Variants in FZD1 observed in about 807,000 individuals in gnomAD.
FZD1 encodes the protein frizzled class receptor 1, also known as frizzled-1.
FZD1 carries 22 observed loss-of-function variants against 48.0 expected under a neutral mutation model. The ratio of observed to expected loss-of-function variants is 0.46; its 90% CI spans 0.33 to 0.65. The LOEUF is 0.65. FZD1 is among the 30% of genes least tolerant of loss of function. FZD1 has a pLI of 0.02. For missense variants in FZD1, 843 were observed against 898.1 expected, an observed-to-expected ratio of 0.94 and a Z score of 0.78; for synonymous variants, 486 against 409.6, an observed-to-expected ratio of 1.19 and a Z score of -2.25.
chr7:91,265,459 C>A lies in FZD1; in HGVS notation c.579C>A (p.Arg193=). The change falls in exon 1 of 1, where the codon CGC becomes CGA. Residue 193 remains arginine, a synonymous_variant. Coordinates refer to ENST00000287934, the MANE Select transcript of FZD1 (RefSeq NM_003505.2). This position sits in a 1 kb window ranked among gnomAD's most constrained non-coding sequence, Gnocchi z 6.9. The stretch of plus-strand genomic sequence containing the variant: ...CGCCCTGCCGCTCCCTGTGCGAGCG[C>A]GCGCGCCAGGGCTGCGAGGCGCTCA... ...ALPPCRSLCE[R]ARQGCEALMN... 1 of 1,613,168 alleles carries A rather than the reference C, an allele frequency of 6.2e-7. No individual in the cohort carries two copies. The highest frequency in any genetic ancestry group is 8.5e-7 in the Non-Finnish European group (1 of 1,179,688).
chr7:91,268,747 A>G lies in FZD1; in HGVS notation c.*1923A>G, dbSNP rs2090542515. The G allele has an allele frequency of 6.0e-6, 1 of 166,680 alleles. No homozygotes were observed. The highest frequency in any genetic ancestry group is 2.4e-5 in the African/African-American group (1 of 41,466). The allele number at this position is 166,680 out of a possible 1,614,324, so 10.3% of individuals were successfully genotyped here. ...TATGGATTTTGTGCCTGAAAATAATAGAGCTTGAGCTGTCTGAACTATTTT... is the reference window on the plus strand; with the variant it reads ...TATGGATTTTGTGCCTGAAAATAATGGAGCTTGAGCTGTCTGAACTATTTT... On this transcript the variant is annotated 3_prime_UTR_variant, in exon 1 of 1. Coordinates refer to ENST00000287934, the MANE Select transcript of FZD1 (RefSeq NM_003505.2).
chr7:91,264,892 G>T lies in FZD1; in HGVS notation c.12G>T (p.Glu4Asp). 1 of 1,312,980 alleles carries T rather than the reference G, an allele frequency of 7.6e-7. No individual in the cohort carries two copies. Among genetic ancestry groups the T allele is most frequent in the Non-Finnish European group, 9.6e-7 (1 of 1,036,354 alleles). 81.3% of individuals were successfully genotyped at this position (1,312,980 alleles called of 1,614,324 possible). Residue 4 changes from glutamate (E) to aspartate (D), a missense_variant, in exon 1 of 1, where the codon GAG becomes GAT. Physicochemically the swap from Glu to Asp is conservative, Grantham distance 45. Transcript: ENST00000287934. Reference protein sequence around the residue: MAEEEAPKKSRAAG... With the variant: MAEDEAPKKSRAAG... ...GGAGCCGAGAAAGTATGGCTGAGGA[G>T]GAGGCGCCTAAGAAGTCCCGGGCCG...
chr7:91,265,839 G>A lies in FZD1; in HGVS notation c.959G>A (p.Arg320His), dbSNP rs1803870051. 6 of 1,613,946 alleles carry A rather than the reference G, an allele frequency of 3.7e-6. No individual in the cohort carries two copies. Among genetic ancestry groups the A allele is most frequent in the African/African-American group, 1.3e-5 (1 of 75,056 alleles). The change falls in exon 1 of 1, where the codon CGC (arginine) becomes CAC (histidine). Residue 320 changes from arginine (R) to histidine (H), a missense_variant. Coordinates refer to ENST00000287934, the MANE Select transcript of FZD1 (RefSeq NM_003505.2). The surrounding 1 kb of genome is among the most constrained non-coding windows in gnomAD (Gnocchi z 6.9). ...GGGCCCGAGGAGCTGCGCTTCTCGCGCACCTGGATTGGCATTTGGTCAGTG... is the reference window on the plus strand; with the variant it reads ...GGGCCCGAGGAGCTGCGCTTCTCGCACACCTGGATTGGCATTTGGTCAGTG... Reference protein sequence around the residue: ...YFGPEELRFSRTWIGIWSVLC... With the variant: ...YFGPEELRFSHTWIGIWSVLC...
chr7:91,265,819 C>A lies in FZD1; in HGVS notation c.939C>A (p.Pro313=). The A allele has an allele frequency of 5.0e-6, 8 of 1,613,792 alleles. No individual in the cohort carries two copies. The highest frequency in any genetic ancestry group is 6.8e-6 in the Non-Finnish European group (8 of 1,179,778). ...TGTATGGGCTCATGTACTTCGGGCC[C>A]GAGGAGCTGCGCTTCTCGCGCACCT... The part of the protein sequence containing the change: ...TKVYGLMYFG[P]EELRFSRTWI... Residue 313 remains proline (P), a synonymous_variant, in exon 1 of 1, where the codon CCC becomes CCA. Coordinates refer to ENST00000287934, the MANE Select transcript of FZD1 (RefSeq NM_003505.2). This position sits in a 1 kb window ranked among gnomAD's most constrained non-coding sequence, Gnocchi z 6.9.
chr7:91,266,189 C>T lies in FZD1; in HGVS notation c.1309C>T (p.His437Tyr). 2 of 1,614,146 alleles carry T rather than the reference C, an allele frequency of 1.2e-6. No individual in the cohort carries two copies. Among genetic ancestry groups the T allele is most frequent in the African/African-American group, 2.7e-5 (2 of 75,072 alleles). The stretch of plus-strand genomic sequence containing the variant: ...CCTGGCGGCTGGCATGAAGTGGGGC[C>T]ACGAGGCCATCGAAGCCAACTCACA... ...WFLAAGMKWG[H>Y]EAIEANSQYF... is the part of the protein sequence containing the mutation. Residue 437 changes from histidine to tyrosine, a missense_variant, in exon 1 of 1, where the codon CAC (histidine) becomes TAC (tyrosine). By Grantham distance (83) the His-to-Tyr change is moderately conservative. Coordinates refer to ENST00000287934, the MANE Select transcript of FZD1 (RefSeq NM_003505.2). This position sits in a 1 kb window ranked among gnomAD's most constrained non-coding sequence, Gnocchi z 6.8.
chr7:91,265,864 G>C lies in FZD1; in HGVS notation c.984G>C (p.Val328=). The C allele has an allele frequency of 6.2e-7, 1 of 1,613,986 alleles. No individual in the cohort carries two copies. The change falls in exon 1 of 1, where the codon GTG becomes GTC. Residue 328 remains valine (V), a synonymous_variant. Transcript: ENST00000287934. The surrounding 1 kb of genome is among the most constrained non-coding windows in gnomAD (Gnocchi z 6.9). ...FSRTWIGIWS[V]LCCASTLFTV... ...GCACCTGGATTGGCATTTGGTCAGT[G>C]CTGTGCTGCGCCTCCACGCTCTTCA...
Position 91,266,932 on chromosome 7 carries a change from G to A in FZD1, c.*108G>A. Reference sequence around the variant, plus strand: ...CTGACATCTCGAGGTTTCCTCACTAGACAACTCTCTTTCGCAGGCTCCTTT... The same window carrying A: ...CTGACATCTCGAGGTTTCCTCACTAAACAACTCTCTTTCGCAGGCTCCTTT... On this transcript the variant is annotated 3_prime_UTR_variant, in exon 1 of 1. Transcript: ENST00000287934. This position sits in a 1 kb window ranked among gnomAD's most constrained non-coding sequence, Gnocchi z 6.8. 2 of 736,986 alleles carry A rather than the reference G, an allele frequency of 2.7e-6. No individual in the cohort carries two copies. Among genetic ancestry groups the A allele is most frequent in the Admixed American group, 4.9e-5 (2 of 40,774 alleles). 45.7% of individuals were successfully genotyped at this position (736,986 alleles called of 1,614,324 possible). A position where few individuals can be genotyped will look rare whatever the true frequency, so the allele number is the denominator to read the frequency against.
At position 91,265,146 on chromosome 7, in the gene FZD1, C is replaced by T. The variant is rs754232711; in HGVS notation, c.266C>T (p.Pro89Leu). 6.3e-7 allele frequency: 1 copy of T among 1,580,876 alleles called. No individual in the cohort carries two copies. The highest frequency in any genetic ancestry group is 1.1e-5 in the South Asian group (1 of 89,032). ...PGQGPGPGQQPPPPPQQQQSG... is the reference protein window; with the variant it reads ...PGQGPGPGQQLPPPPQQQQSG... Reference sequence around the variant, plus strand: ...CAGGGGCCCGGGCCGGGGCAGCAACCGCCGCCGCCGCCTCAGCAGCAACAG... The same window carrying T: ...CAGGGGCCCGGGCCGGGGCAGCAACTGCCGCCGCCGCCTCAGCAGCAACAG... Residue 89 changes from proline (P) to leucine (L), a missense_variant, in exon 1 of 1, where the codon CCG (proline) becomes CTG (leucine). This residue lies in a region of FZD1 where 490 missense variants were observed against 466.5 expected (regional missense o/e 1.05). Transcript: ENST00000287934. The surrounding 1 kb of genome is among the most constrained non-coding windows in gnomAD (Gnocchi z 6.9).
rs998933986 is a variant in FZD1 at position 91,265,805 on chromosome 7, A to G, written c.925A>G (p.Met309Val). 4 of 1,613,596 alleles carry G rather than the reference A, an allele frequency of 2.5e-6. No individual in the cohort carries two copies. The highest frequency in any genetic ancestry group is 4.5e-5 in the East Asian group (2 of 44,848). The change falls in exon 1 of 1, where the codon ATG becomes GTG. Residue 309 changes from methionine to valine, a missense_variant. Transcript: ENST00000287934. This position sits in a 1 kb window ranked among gnomAD's most constrained non-coding sequence, Gnocchi z 6.9. The stretch of plus-strand genomic sequence containing the variant: ...TGAGCCGACCAAGGTGTATGGGCTC[A>G]TGTACTTCGGGCCCGAGGAGCTGCG... ...PCEPTKVYGL[M>V]YFGPEELRFS...
Position 91,265,114 on chromosome 7 carries a change from G to A in FZD1, c.234G>A (p.Gly78=). The A allele has an allele frequency of 6.7e-7, 1 of 1,495,120 alleles. No individual in the cohort carries two copies. Among genetic ancestry groups the A allele is most frequent in the Non-Finnish European group, 9.0e-7 (1 of 1,115,996 alleles). The allele number at this position is 1,495,120 out of a possible 1,614,324, so 92.6% of individuals were successfully genotyped here. ...LGVRAQAAGQ[G]PGQGPGPGQQ... ...TCCGGGCCCAGGCGGCGGGCCAGGG[G>A]CCAGGCCAGGGGCCCGGGCCGGGGC... is the stretch of plus-strand genomic sequence containing the variant. The change falls in exon 1 of 1, where the codon GGG becomes GGA. Residue 78 remains glycine, a synonymous_variant. Transcript: ENST00000287934. This position sits in a 1 kb window ranked among gnomAD's most constrained non-coding sequence, Gnocchi z 6.9.
rs1803910391 is a variant in FZD1, at chr7:91,267,775, T to C, written c.*951T>C. 1 of 167,140 alleles carries C rather than the reference T, an allele frequency of 6.0e-6. No homozygotes were observed. The highest frequency in any genetic ancestry group is 1.5e-5 in the Non-Finnish European group (1 of 68,146). The allele number at this position is 167,140 out of a possible 1,614,324, so 10.4% of individuals were successfully genotyped here. ...TGAGGGGTGAGCTCATTTCATTCTCTAGTGTCTAAAACCTGGTATGGGTTT... is the reference window on the plus strand; with the variant it reads ...TGAGGGGTGAGCTCATTTCATTCTCCAGTGTCTAAAACCTGGTATGGGTTT... On this transcript the variant is annotated 3_prime_UTR_variant, in exon 1 of 1. Coordinates refer to ENST00000287934, the MANE Select transcript of FZD1 (RefSeq NM_003505.2).
chr7:91,266,675 G>C lies in FZD1; in HGVS notation c.1795G>C (p.Asp599His), dbSNP rs1209255115. ...GAPPHPPMSP[D>H]FTVFMIKYLM... Reference sequence around the variant, plus strand: ...CCCGCCGCACCCGCCCATGAGCCCGGACTTCACGGTCTTCATGATTAAGTA... The same window carrying C: ...CCCGCCGCACCCGCCCATGAGCCCGCACTTCACGGTCTTCATGATTAAGTA... Residue 599 changes from aspartate (D) to histidine (H), a missense_variant, in exon 1 of 1, where the codon GAC becomes CAC. Physicochemically the swap from Asp to His is moderately conservative, Grantham distance 81 (BLOSUM62 -1). Transcript: ENST00000287934. This position sits in a 1 kb window ranked among gnomAD's most constrained non-coding sequence, Gnocchi z 6.8. 6.2e-7 allele frequency: 1 copy of C among 1,613,354 alleles called. No individual in the cohort carries two copies. The highest frequency in any genetic ancestry group is 1.3e-5 in the African/African-American group (1 of 74,946).
Position 91,264,832 on chromosome 7 carries a change from G to A in FZD1, c.-49G>A. 1.6e-6 allele frequency: 2 copies of A among 1,243,168 alleles called. No individual in the cohort carries two copies. Among genetic ancestry groups the A allele is most frequent in the Non-Finnish European group, 2.0e-6 (2 of 988,198 alleles). The allele number at this position is 1,243,168 out of a possible 1,614,324, so 77.0% of individuals were successfully genotyped here. ...CGCAGGGGGAGCCGCCGCCGGCCGTGCCCCTGGCAGCCCCAGCGGAGCGGC... is the reference window on the plus strand; with the variant it reads ...CGCAGGGGGAGCCGCCGCCGGCCGTACCCCTGGCAGCCCCAGCGGAGCGGC... On this transcript the variant is annotated 5_prime_UTR_variant, in exon 1 of 1. Transcript: ENST00000287934.
In FZD1 at chr7:91,266,029, C is replaced by A. The variant is rs542894604; in HGVS notation, c.1149C>A (p.Asp383Glu). 3 of 1,614,166 alleles carry A rather than the reference C, an allele frequency of 1.9e-6. No homozygotes were observed. The highest frequency in any genetic ancestry group is 4.5e-5 in the East Asian group (2 of 44,864). Residue 383 changes from aspartate (D) to glutamate (E), a missense_variant, in exon 1 of 1, where the codon GAC becomes GAA. Asp to Glu is a conservative substitution (Grantham distance 45, BLOSUM62 2). Around this residue, in one of 2 missense-constraint regions of FZD1, gnomAD observed 353 missense variants for 431.6 expected, o/e 0.82. Coordinates refer to ENST00000287934, the MANE Select transcript of FZD1 (RefSeq NM_003505.2). The surrounding 1 kb of genome is among the most constrained non-coding windows in gnomAD (Gnocchi z 6.8). The part of the protein sequence containing the change: ...FLLEDRVVCN[D>E]KFAEDGARTV... ...TGGAAGACCGAGTGGTGTGTAATGA[C>A]AAGTTCGCCGAGGACGGGGCACGCA...
In FZD1 at chr7:91,266,539, C is replaced by G. The variant is rs1034883131; in HGVS notation, c.1659C>G (p.Ala553=). ...LYTVPATIVI[A]CYFYEQAFRD... ...CTGTGCCAGCCACCATCGTCATCGC[C>G]TGCTACTTCTACGAGCAGGCCTTCC... is the stretch of plus-strand genomic sequence containing the variant. Residue 553 remains alanine, a synonymous_variant, in exon 1 of 1, where the codon GCC becomes GCG. Coordinates refer to ENST00000287934, the MANE Select transcript of FZD1 (RefSeq NM_003505.2). The surrounding 1 kb of genome is among the most constrained non-coding windows in gnomAD (Gnocchi z 6.8). The G allele has an allele frequency of 6.2e-7, 1 of 1,613,954 alleles. No homozygotes were observed. The highest frequency in any genetic ancestry group is 1.3e-5 in the African/African-American group (1 of 74,960).
At position 91,265,669 on chromosome 7, in the gene FZD1, G is replaced by C. The variant is rs752405110; in HGVS notation, c.789G>C (p.Pro263=). The change falls in exon 1 of 1, where the codon CCG becomes CCC. Residue 263 remains proline (P), a synonymous_variant. Transcript: ENST00000287934. The surrounding 1 kb of genome is among the most constrained non-coding windows in gnomAD (Gnocchi z 6.9). ...HGGGGHRGGF[P]GGAGASERGK... ...GCGGAGGGCACCGTGGCGGCTTCCC[G>C]GGGGGCGCCGGCGCGTCGGAGCGAG... 2 of 1,564,548 alleles carry C rather than the reference G, an allele frequency of 1.3e-6. No individual in the cohort carries two copies. The highest frequency in any genetic ancestry group is 8.6e-7 in the Non-Finnish European group (1 of 1,158,550).
Position 91,266,590 on chromosome 7 carries a change from GGCC to G in FZD1, c.1711_1713del (p.Ala571del). On this transcript the variant is annotated inframe_deletion, in exon 1 of 1. Coordinates refer to ENST00000287934, the MANE Select transcript of FZD1 (RefSeq NM_003505.2). The surrounding 1 kb of genome is among the most constrained non-coding windows in gnomAD (Gnocchi z 6.8). ...GGGACCAGTGGGAACGCAGCTGGGT[GGCC>G]CAGAGCTGCAAGAGCTACGCTATCC... 1 of 1,613,582 alleles carries G rather than the reference GGCC, an allele frequency of 6.2e-7. No homozygotes were observed. Among genetic ancestry groups the G allele is most frequent in the Non-Finnish European group, 8.5e-7 (1 of 1,179,998 alleles).
Position 91,264,752 on chromosome 7 carries a change from G to A in FZD1, c.-129G>A. On this transcript the variant is annotated 5_prime_UTR_variant, in exon 1 of 1. Transcript: ENST00000287934. ...TACGCAGAACAGGAGCCGGGGGAGC[G>A]GGCCGAAAGCGGCTTGGGCTCGACG... The A allele has an allele frequency of 1.9e-6, 1 of 514,648 alleles. No individual in the cohort carries two copies. 31.9% of individuals were successfully genotyped at this position (514,648 alleles called of 1,614,324 possible).
chr7:91,264,838 G>A lies in FZD1; in HGVS notation c.-43G>A. ...GGGAGCCGCCGCCGGCCGTGCCCCTGGCAGCCCCAGCGGAGCGGCGCCAAG... is the reference window on the plus strand; with the variant it reads ...GGGAGCCGCCGCCGGCCGTGCCCCTAGCAGCCCCAGCGGAGCGGCGCCAAG... On this transcript the variant is annotated 5_prime_UTR_variant, in exon 1 of 1. Transcript: ENST00000287934. The A allele has an allele frequency of 2.4e-6, 3 of 1,257,364 alleles. No homozygotes were observed. Among genetic ancestry groups the A allele is most frequent in the Non-Finnish European group, 3.0e-6 (3 of 1,000,354 alleles). The allele number at this position is 1,257,364 out of a possible 1,614,324, so 77.9% of individuals were successfully genotyped here.
Sources: allele counts gnomAD v4.1 joint callset, GRCh38; gene constraint gnomAD v4.1.1; regional missense constraint gnomAD v4.1.1; non-coding constraint Gnocchi (gnomAD v3.1); transcripts MANE v1.5; gene names NCBI Gene and HGNC (gene_info 2026-07-23, HGNC 2026-07-21).